Variants in ZNF536 observed in about 807,000 individuals in gnomAD.
The protein encoded by ZNF536 is zinc finger protein 536.
A neutral mutation model predicts 84.5 loss-of-function variants in ZNF536; 13 were observed. The ratio of observed to expected loss-of-function variants is 0.15; its 90% CI spans 0.10 to 0.24. ZNF536 has a LOEUF of 0.24. ZNF536 is among the 10% of genes least tolerant of loss of function. ZNF536 has a pLI of 1.00. For synonymous variants in ZNF536, 811 were observed against 742.5 expected, an observed-to-expected ratio of 1.09 and a Z score of -1.50; for missense variants, 1,536 against 1,747.5, an observed-to-expected ratio of 0.88 and a Z score of 2.16.
upstream of ZNF536, among the ~76,000 whole-genome samples, chr19:30,368,944 AC>A (rs2048524987): frequency 1.3e-5 from 2 of 152,182 alleles, no homozygotes; most frequent in African/African-American, 4.8e-5. Context: ...CATTCTTTAT[AC>A]CAGCTTGTCT....
intron 1 of ZNF536, among the ~76,000 whole-genome samples, chr19:30,618,024 C>T (rs556251540): frequency 6.6e-6 from 1 of 152,304 alleles, no homozygotes; most frequent in South Asian, 2.1e-4. Context: ...TTACTGTATA[C>T]ATTGTGCTGT....
chr19:30,712,618 T>C (rs1357906619), exon 2 of ZNF536: 1 of 152,204 alleles, frequency 6.6e-6, no homozygotes, highest in Non-Finnish European at 1.5e-5. Context: ...GGTTTGCATA[T>C]GCTGTCAAAA....
At chr19:30,393,758 C>G (rs559656336) in intron 1 of ZNF536, among the ~76,000 whole-genome samples, 1 of 152,140 alleles carries the variant, frequency 6.6e-6, no homozygotes, top group South Asian at 2.1e-4. Context: ...GAAGGGGAAG[C>G]TGTGAGCTGA....
At chr19:30,661,611 G>A (rs971448071) in intron 1 of ZNF536, among the ~76,000 whole-genome samples, 3 of 152,096 alleles carry the variant, frequency 2.0e-5, no homozygotes, top group Non-Finnish European at 4.4e-5. Flanking sequence ...GACATGTCGG[G>A]GAAAGACTTT....
At chr19:30,442,274 T>A (rs2052088612) in intron 1 of ZNF536, among the ~76,000 whole-genome samples, 1 of 152,224 alleles carries the variant, frequency 6.6e-6, no homozygotes, top group Non-Finnish European at 1.5e-5. Context: ...CCTGGAGCCA[T>A]CTGGCTTTAG....
chr19:30,530,908 C>T (rs1025177073), intron 2 of ZNF536, among the ~76,000 whole-genome samples: 1 of 152,202 alleles, frequency 6.6e-6, no homozygotes, highest in Admixed American at 6.5e-5. Context: ...GTTCAGCACA[C>T]ACATCCTCAC....
chr19:30,321,506 C>T lies in ZNF536; in HGVS notation c.-119-30862C>T, dbSNP rs376650869. Among the ~76,000 whole-genome samples, 504 of 151,998 alleles carry T rather than the reference C, an allele frequency of 3.3e-3. 6 individuals carry two copies. The highest frequency in any genetic ancestry group is 0.012 in the African/African-American group (479 of 41,456). ...CTGGGAGGTGGAGGTTGCAGTGGGCCGAGACCACGCCACTGCACGCCAGCC... is the reference window on the plus strand; with the variant it reads ...CTGGGAGGTGGAGGTTGCAGTGGGCTGAGACCACGCCACTGCACGCCAGCC... On this transcript the variant is annotated intron_variant, in intron 2 of 5. Transcript: ENST00000585628.
intron 1 of ZNF536, among the ~76,000 whole-genome samples, chr19:30,680,088 G>T (rs1003762650): frequency 4.6e-5 from 7 of 152,028 alleles, no homozygotes; most frequent in African/African-American, 1.7e-4. Flanking sequence ...AGGCTGAGTG[G>T]GAAAAAGACT....
chr19:30,598,091 G>A lies in ZNF536; in HGVS notation c.169+48577G>A, dbSNP rs367599838. On this transcript the variant is annotated intron_variant, in intron 1 of 1. Coordinates refer to the ZNF536 transcript ENST00000592773. ...AACAGACACAGAGTAGGCATGCATC[G>A]TGAATCCAGCTGCTGAAATATCCCG... 4.6e-5 allele frequency among the ~76,000 whole-genome samples: 7 copies of A among 152,272 alleles called. No homozygotes were observed. The East Asian group carries it at 7.7e-4, about 17-fold the overall frequency.
At chr19:30,454,546 T>C (rs1225772279) in intron 2 of ZNF536, among the ~76,000 whole-genome samples, 3 of 152,264 alleles carry the variant, frequency 2.0e-5, no homozygotes, top group African/African-American at 4.8e-5. Flanking sequence ...TGCTAAAATA[T>C]GTGTTTTTAT....
At position 30,266,681 on chromosome 19, in the gene ZNF536, G is replaced by A. The variant is rs185454546; in HGVS notation, c.-189-17391G>A. Among the ~76,000 whole-genome samples the A allele has an allele frequency of 8.5e-5, 13 of 152,264 alleles. No individual in the cohort carries two copies. In the East Asian group the frequency reaches 1.3e-3, roughly 16 times the overall value. On this transcript the variant is annotated intron_variant, in intron 1 of 5. Coordinates refer to the ZNF536 transcript ENST00000585628. ...AGAAAAGTTTACAAGATGAAGCCAC[G>A]AATTATTTACGTAAACTTCATATAT... is the stretch of plus-strand genomic sequence containing the variant.
chr19:30,596,495 G>A (rs752522782), intron 1 of ZNF536, among the ~76,000 whole-genome samples: 25 of 152,112 alleles, frequency 1.6e-4, no homozygotes, highest in Non-Finnish European at 3.1e-4. Flanking sequence ...CGCCAGCAGC[G>A]GAGTCAGCCA....
chr19:30,390,589 G>A (rs185606734), intron 1 of ZNF536, among the ~76,000 whole-genome samples: 104 of 152,296 alleles, frequency 6.8e-4, no homozygotes, highest in African/African-American at 2.2e-3. Flanking sequence ...ACATTCTGCC[G>A]GAGAGCTGGA....
In ZNF536 at chr19:30,444,940, A is replaced by G. The variant is rs2148204978; in HGVS notation, c.1378A>G (p.Met460Val). The G allele has an allele frequency of 1.2e-6, 2 of 1,611,728 alleles. No homozygotes were observed. Among genetic ancestry groups the G allele is most frequent in the South Asian group, 2.2e-5 (2 of 90,854 alleles). The change falls in exon 2 of 5, where the codon ATG becomes GTG. Residue 460 changes from methionine (M) to valine (V), a missense_variant. Met to Val is a conservative substitution (Grantham distance 21). This residue lies in a region of ZNF536 where 366 missense variants were observed against 364.4 expected (regional missense o/e 1.00). Coordinates refer to ENST00000355537, the MANE Select transcript of ZNF536 (RefSeq NM_014717.3). ...GCTCTATGGCAAGGGCGAGCTGCCCATGAAGGAGAAGGAAGCGCTGGGGAA... is the reference window on the plus strand; with the variant it reads ...GCTCTATGGCAAGGGCGAGCTGCCCGTGAAGGAGAAGGAAGCGCTGGGGAA... ...SQLYGKGELP[M>V]KEKEALGKLL...
chr19:30,468,989 C>G (rs1358184309), intron 2 of ZNF536, among the ~76,000 whole-genome samples: 1 of 152,124 alleles, frequency 6.6e-6, no homozygotes, highest in Admixed American at 6.5e-5. Context: ...TTTCTCCCTT[C>G]CCTGGCACCT....
intron 1 of ZNF536, among the ~76,000 whole-genome samples, chr19:30,402,016 A>G (rs1469554636): frequency 6.6e-6 from 1 of 152,254 alleles, no homozygotes; most frequent in Non-Finnish European, 1.5e-5. Context: ...ATATTTGCTT[A>G]GCAAAAAGTT....
At chr19:30,479,937 G>A (rs62103389) in intron 2 of ZNF536, among the ~76,000 whole-genome samples, 14,438 of 152,280 alleles carry the variant, frequency 0.095, 879 homozygotes, top group South Asian at 0.18. Context: ...TCGGTCCCCA[G>A]CCTTCAGGGC....
intron 1 of ZNF536, among the ~76,000 whole-genome samples, chr19:30,653,631 G>A (rs1257520906): frequency 1.3e-5 from 2 of 150,822 alleles, no homozygotes; most frequent in African/African-American, 5.0e-5. Context: ...AGCAGAGGAT[G>A]GAAGAGAGGT....
intron 1 of ZNF536, among the ~76,000 whole-genome samples, chr19:30,638,482 G>T (rs1484755385): frequency 6.6e-6 from 1 of 152,190 alleles, no homozygotes; most frequent in Non-Finnish European, 1.5e-5. Context: ...GCAGGAGGAA[G>T]CGTGAGAGGG....
Sources: gnomAD v4.1 joint callset for allele counts (sites outside exome capture counted in the v4.1 genomes callset) on GRCh38, gnomAD v4.1.1 for gene constraint, gnomAD v4.1.1 regional missense constraint, MANE v1.5 for transcripts, NCBI Gene and HGNC (gene_info 2026-07-23, HGNC 2026-07-21) for gene names.